The following DLC1 variants were observed in gnomAD, a reference collection of about 807,000 sequenced individuals.
DLC1 encodes the protein DLC1 Rho GTPase activating protein.
Under a neutral mutation model 140.3 loss-of-function variants are expected in DLC1, and 54 were observed. The observed-to-expected ratio is 0.38, with a 90% confidence interval of 0.31 to 0.48. The LOEUF (loss-of-function observed/expected upper bound fraction) is 0.48, where lower values mean the gene tolerates loss of function less well. Among genes scored for constraint, DLC1 ranks in the 20% least tolerant of loss-of-function variants. The pLI is 0.96. For synonymous variants in DLC1, 986 were observed against 728.1 expected (o/e 1.35, Z -5.70); for missense variants, 2,536 against 1,907.0 (o/e 1.33, Z -6.14).
Position 13,173,512 on chromosome 8 carries a change from C to T in DLC1, c.1349-57855G>A, listed in dbSNP as rs141134364. 9.2e-3 allele frequency among the ~76,000 whole-genome samples: 1,397 copies of T among 152,032 alleles called. 25 individuals are homozygous for T. The highest frequency in any genetic ancestry group is 0.031 in the African/African-American group (1,304 of 41,482). On this transcript the variant is annotated intron_variant, in intron 5 of 17. Transcript: ENST00000276297. ...TCAGCCTCCCGAGTAGCTGGGATTA[C>T]AGGCATGCACTGCCAAGCGCTGCTA...
intron 1 of DLC1, among the ~76,000 whole-genome samples, chr8:13,526,120 G>A (rs1000033805): frequency 6.6e-6 from 1 of 152,070 alleles, no homozygotes; most frequent in Non-Finnish European, 1.5e-5. Flanking sequence ...AAAATCAATT[G>A]ACCAACTATG....
intron 3 of DLC1, among the ~76,000 whole-genome samples, chr8:13,399,840 C>T (rs994198445): frequency 6.6e-6 from 1 of 152,038 alleles, no homozygotes; most frequent in Non-Finnish European, 1.5e-5. Flanking sequence ...TAAATATTCT[C>T]AAACTGGGGT....
intron 5 of DLC1, among the ~76,000 whole-genome samples, chr8:13,149,285 C>T (rs1823645131): frequency 6.6e-6 from 1 of 152,142 alleles, no homozygotes; most frequent in Non-Finnish European, 1.5e-5. Flanking sequence ...CATATATGAG[C>T]TCTGTTCTTT....
chr8:13,404,516 T>G (rs1837439052), intron 2 of DLC1, among the ~76,000 whole-genome samples: 1 of 152,220 alleles, frequency 6.6e-6, no homozygotes, highest in African/African-American at 2.4e-5. Flanking sequence ...ATAGTTATAA[T>G]TATGGTTTAG....
chr8:13,321,030 G>A (rs771341210), intron 4 of DLC1, among the ~76,000 whole-genome samples: 5 of 151,978 alleles, frequency 3.3e-5, no homozygotes, highest in Non-Finnish European at 4.4e-5. Context: ...TGTACAGCCC[G>A]CAGAACCATG....
chr8:13,543,307 A>G (rs1440838415), intron 1 of DLC1, among the ~76,000 whole-genome samples: 1 of 152,152 alleles, frequency 6.6e-6, no homozygotes, highest in Non-Finnish European at 1.5e-5. Context: ...TAGAATTGTG[A>G]TATTTGTATT....
chr8:13,126,964 G>A (rs978387294), intron 5 of DLC1, among the ~76,000 whole-genome samples: 2 of 152,190 alleles, frequency 1.3e-5, no homozygotes, highest in African/African-American at 4.8e-5. Flanking sequence ...GAAATATCAA[G>A]TTCCCTTATC....
chr8:13,142,733 A>G (rs1823095184), intron 5 of DLC1, among the ~76,000 whole-genome samples: 1 of 152,174 alleles, frequency 6.6e-6, no homozygotes, highest in African/African-American at 2.4e-5. Flanking sequence ...ATGTACCCCT[A>G]ACAAAACCTC....
At chr8:13,481,058 A>G (rs370802759) in intron 2 of DLC1, among the ~76,000 whole-genome samples, 19 of 152,342 alleles carry the variant, frequency 1.2e-4, no homozygotes, top group African/African-American at 4.3e-4. Flanking sequence ...GGAAATGAGT[A>G]TGAGAGATCA....
intron 2 of DLC1, among the ~76,000 whole-genome samples, chr8:13,472,122 A>G (rs1465051902): frequency 1.3e-5 from 2 of 152,236 alleles, no homozygotes. Context: ...GGAATAAAGC[A>G]ATTTTCTCAA....
chr8:13,369,298 T>G (rs1835627989), intron 4 of DLC1, among the ~76,000 whole-genome samples: 1 of 148,090 alleles, frequency 6.8e-6, no homozygotes, highest in Admixed American at 6.9e-5. Context: ...TTCTTTCTAT[T>G]TAACCTATTG....
intron 5 of DLC1, among the ~76,000 whole-genome samples, chr8:13,155,097 C>G (rs1334267766): frequency 6.7e-6 from 1 of 149,442 alleles, no homozygotes; most frequent in Non-Finnish European, 1.5e-5. Flanking sequence ...TTTTTCTTCA[C>G]TAATTTCTAT....
In DLC1 at chr8:13,500,144, A is replaced by G. The variant is rs1563402141; in HGVS notation, c.-73T>C. On this transcript the variant is annotated 5_prime_UTR_variant, in exon 2 of 18. Coordinates refer to ENST00000276297, the MANE Select transcript of DLC1 (RefSeq NM_182643.3). ...TAAAGGAGATGGAACTTGATGAAAG[A>G]TTATTTCAAAATCACCAATCAAAGA... 2.3e-6 allele frequency: 3 copies of G among 1,330,212 alleles called. No homozygotes were observed. Among genetic ancestry groups the G allele is most frequent in the Non-Finnish European group, 2.1e-6 (2 of 971,294 alleles). The allele number at this position is 1,330,212 out of a possible 1,614,324, so 82.4% of individuals were successfully genotyped here. A position where few individuals can be genotyped will look rare whatever the true frequency, so the allele number is the denominator to read the frequency against.
At chr8:13,338,307 G>T (rs192487091) in intron 4 of DLC1, among the ~76,000 whole-genome samples, 1 of 152,096 alleles carries the variant, frequency 6.6e-6, no homozygotes, top group African/African-American at 2.4e-5. Context: ...GCCATGGTTC[G>T]AAAAAAATAC....
intron 1 of DLC1, chr8:13,568,019 A>C: frequency 7.0e-7 from 1 of 1,433,466 alleles, no homozygotes; most frequent in Non-Finnish European, 9.2e-7. Context: ...TGGGAAACTA[A>C]CTTAAGACTT....
rs183576739 is a variant in DLC1, at chr8:13,507,203, C to T, written c.-125-7007G>A. ...GCAAACTAAATTGTGTACATTTGGG[C>T]GCCTTCCCACTGGCACACAGCTCAG... On this transcript the variant is annotated intron_variant, in intron 1 of 17. Transcript: ENST00000276297. Among the ~76,000 whole-genome samples the T allele has an allele frequency of 2.6e-5, 4 of 152,240 alleles. No individual in the cohort carries two copies. The East Asian group carries it at 5.8e-4, about 22-fold the overall frequency.
At chr8:13,328,598 G>T (rs1833463901) in intron 4 of DLC1, among the ~76,000 whole-genome samples, 1 of 152,160 alleles carries the variant, frequency 6.6e-6, no homozygotes, top group African/African-American at 2.4e-5. Flanking sequence ...TTAGGAGTCT[G>T]GAGGTGAGAA....
intron 5 of DLC1, among the ~76,000 whole-genome samples, chr8:13,158,770 T>C (rs552576099): frequency 6.2e-5 from 6 of 96,694 alleles, no homozygotes; most frequent in Admixed American, 4.3e-4. Flanking sequence ...TCTCTCCTCT[T>C]TTTTTCCTCT....
intron 3 of DLC1, among the ~76,000 whole-genome samples, chr8:13,394,438 C>G (rs1836923350): frequency 6.6e-6 from 1 of 152,102 alleles, no homozygotes; most frequent in Non-Finnish European, 1.5e-5. Flanking sequence ...AGTGTGAGGT[C>G]AAGACATGTC....
Sources: gnomAD v4.1 joint callset for allele counts (sites outside exome capture counted in the v4.1 genomes callset) on GRCh38, gnomAD v4.1.1 for gene constraint, MANE v1.5 for transcripts, NCBI Gene and HGNC (gene_info 2026-07-23, HGNC 2026-07-21) for gene names.